The following RFC3 variants were observed in gnomAD, a reference collection of about 807,000 sequenced individuals.
RFC3 encodes the protein replication factor C subunit 3, also known as A1 38 kDa subunit.
RFC3 carries 41 observed loss-of-function variants against 45.1 expected under a neutral mutation model. The ratio of observed to expected loss-of-function variants is 0.91; its 90% CI spans 0.71 to 1.18. RFC3 has a LOEUF of 1.18. Ranked by LOEUF, RFC3 falls within the 50% of genes most tolerant of loss-of-function variation. RFC3 has a pLI of 0.00. For missense variants in RFC3, 423 were observed against 428.1 expected (o/e 0.99, Z 0.10); for synonymous variants, 149 against 144.0 (o/e 1.03, Z -0.25).
intron 8 of RFC3, among the ~76,000 whole-genome samples, chr13:33,957,368 C>T (rs897651737): frequency 1.3e-5 from 2 of 152,052 alleles, no homozygotes; most frequent in African/African-American, 2.4e-5. Context: ...TTATTTAGGA[C>T]CTATATTTTG....
At chr13:33,921,909 A>T (rs1365670074) in intron 8 of RFC3, among the ~76,000 whole-genome samples, 2 of 152,146 alleles carry the variant, frequency 1.3e-5, no homozygotes, top group Non-Finnish European at 2.9e-5. Context: ...AGGAGACAGC[A>T]TGGTGTTTGG....
At chr13:33,911,267 C>G (rs2137700481) in intron 8 of RFC3, among the ~76,000 whole-genome samples, 1 of 152,148 alleles carries the variant, frequency 6.6e-6, no homozygotes, top group Non-Finnish European at 1.5e-5. Context: ...ACACCACAGC[C>G]TCCATCACCA....
chr13:33,954,159 A>T lies in RFC3; in HGVS notation c.880-11928A>T, dbSNP rs80188198. Among the ~76,000 whole-genome samples, 133 of 152,272 alleles carry T rather than the reference A, an allele frequency of 8.7e-4. 5 individuals are homozygous for T. In the East Asian group the frequency reaches 0.01, roughly 12 times the overall value. On this transcript the variant is annotated intron_variant, in intron 8 of 8. Coordinates refer to the RFC3 transcript ENST00000434425. ...TAAAGAGTTAAGGTAAAAAAGAATAACCTCTCATTATCTTTGTTTCTCAAG... is the reference window on the plus strand; with the variant it reads ...TAAAGAGTTAAGGTAAAAAAGAATATCCTCTCATTATCTTTGTTTCTCAAG...
intron 8 of RFC3, chr13:33,848,742 A>G (rs1376281770): frequency 1.3e-5 from 2 of 152,136 alleles, no homozygotes; most frequent in Admixed American, 1.3e-4. Flanking sequence ...TCAGATGAGC[A>G]TAAGAGATTT....
At chr13:33,928,454 G>T (rs1470086041) in intron 8 of RFC3, among the ~76,000 whole-genome samples, 1 of 152,094 alleles carries the variant, frequency 6.6e-6, no homozygotes, top group Non-Finnish European at 1.5e-5. Flanking sequence ...GAGGCTTAGA[G>T]AGAGTTCACT....
chr13:33,836,804 A>T lies in RFC3; in HGVS notation c.*509A>T. 7.1e-6 allele frequency: 7 copies of T among 985,756 alleles called. No homozygotes were observed. The highest frequency in any genetic ancestry group is 7.2e-6 in the Non-Finnish European group (6 of 830,128). 61.1% of individuals were successfully genotyped at this position (985,756 alleles called of 1,614,324 possible). A position where few individuals can be genotyped will look rare whatever the true frequency, so the allele number is the denominator to read the frequency against. ...TGGTATGGACAAAATTGCAGATACC[A>T]TTTCTGTTGAGGCTGCAGATTTCCA... is the stretch of plus-strand genomic sequence containing the variant. On this transcript the variant is annotated 3_prime_UTR_variant, in exon 9 of 9. Transcript: ENST00000380071.
intron 8 of RFC3, among the ~76,000 whole-genome samples, chr13:33,857,110 G>A (rs2082312936): frequency 6.6e-6 from 1 of 152,158 alleles, no homozygotes; most frequent in Admixed American, 6.5e-5. Context: ...AACTTGTAAA[G>A]CAATCTAATC....
intron 7 of RFC3, among the ~76,000 whole-genome samples, chr13:33,834,318 A>G (rs890968429): frequency 7.0e-5 from 9 of 128,946 alleles, no homozygotes; most frequent in Non-Finnish European, 7.7e-5. Flanking sequence ...ATATATATAT[A>G]TATATATATA....
chr13:33,831,138 T>A (rs576327774), intron 6 of RFC3, 118 bp from the exon 7 acceptor site: 1 of 667,762 alleles, frequency 1.5e-6, no homozygotes, highest in South Asian at 1.9e-5. Context: ...GCCTATCCGC[T>A]GCTCACTCCT....
At chr13:33,891,870 A>G (rs530310911) in intron 8 of RFC3, among the ~76,000 whole-genome samples, 1 of 152,260 alleles carries the variant, frequency 6.6e-6, no homozygotes, top group East Asian at 1.9e-4. Context: ...TATATTAAGA[A>G]TAAGAATAGT....
chr13:33,911,091 T>A (rs115724080), intron 8 of RFC3, among the ~76,000 whole-genome samples: 1,856 of 152,164 alleles, frequency 0.012, 28 homozygotes, highest in African/African-American at 0.043. Flanking sequence ...AGAAGAGCAC[T>A]GAAGAAGAAA....
intron 8 of RFC3, among the ~76,000 whole-genome samples, chr13:33,931,578 G>A (rs2082852654): frequency 6.6e-6 from 1 of 152,070 alleles, no homozygotes; most frequent in Non-Finnish European, 1.5e-5. Context: ...CAGTGTGGGG[G>A]TCCAACAAAG....
intron 8 of RFC3, among the ~76,000 whole-genome samples, chr13:33,875,760 G>A (rs1024206857): frequency 3.6e-4 from 54 of 152,042 alleles, no homozygotes; most frequent in African/African-American, 1.0e-3. Context: ...TGGGGGTGCC[G>A]TTGCATGTTA....
chr13:33,841,356 C>T (rs1234179114), downstream of RFC3, among the ~76,000 whole-genome samples: 1 of 152,140 alleles, frequency 6.6e-6, no homozygotes, highest in African/African-American at 2.4e-5. Context: ...CTGTAGCCAC[C>T]TCCTGTTGGT....
rs1391058592 is a variant in RFC3, at chr13:33,830,792, C to G, written c.647C>G (p.Ala216Gly). 1.2e-6 allele frequency: 2 copies of G among 1,612,240 alleles called. No individual in the cohort carries two copies. Among genetic ancestry groups the G allele is most frequent in the Non-Finnish European group, 8.5e-7 (1 of 1,178,406 alleles). The change falls in exon 6 of 9, where the codon GCA becomes GGA. Residue 216 changes from alanine (A) to glycine (G), a missense_variant. Physicochemically the swap from Ala to Gly is moderately conservative, Grantham distance 60. Coordinates refer to ENST00000380071, the MANE Select transcript of RFC3 (RefSeq NM_002915.4). ...NLPSQLAHRLAEKSCRNLRKA... is the reference protein window; with the variant it reads ...NLPSQLAHRLGEKSCRNLRKA... ...CCTTCACAACTGGCTCATAGACTTG[C>G]AGAGAAGTCTTGTAGAAATCTCAGA... is the stretch of plus-strand genomic sequence containing the variant.
intron 8 of RFC3, among the ~76,000 whole-genome samples, chr13:33,893,020 T>C (rs1397170513): frequency 2.0e-5 from 3 of 152,048 alleles, no homozygotes; most frequent in Non-Finnish European, 2.9e-5. Flanking sequence ...CTGCCTTAAC[T>C]CATGGAAAGC....
chr13:33,905,262 TG>T (rs948720332), intron 8 of RFC3, among the ~76,000 whole-genome samples: 3 of 151,772 alleles, frequency 2.0e-5, no homozygotes, highest in African/African-American at 7.3e-5. Context: ...AGCAAGGTAC[TG>T]GGTATACGAG....
chr13:33,881,934 G>C (rs755656798), intron 8 of RFC3, among the ~76,000 whole-genome samples: 3 of 152,228 alleles, frequency 2.0e-5, no homozygotes, highest in Non-Finnish European at 4.4e-5. Flanking sequence ...GGACTCAGAA[G>C]TCCTGGAGCT....
chr13:33,954,921 CTT>C (rs2083012851), intron 8 of RFC3, among the ~76,000 whole-genome samples: 2 of 152,180 alleles, frequency 1.3e-5, no homozygotes, highest in African/African-American at 2.4e-5. Flanking sequence ...ACTGTTGCCT[CTT>C]TTCAAAATTC....
Sources: allele counts gnomAD v4.1 joint callset (sites outside exome capture counted in the v4.1 genomes callset), GRCh38; gene constraint gnomAD v4.1.1; transcripts MANE v1.5; gene names NCBI Gene and HGNC (gene_info 2026-07-23, HGNC 2026-07-21).